The following FAM13A variants were observed in gnomAD, a reference collection of about 807,000 sequenced individuals.
The protein encoded by FAM13A is family with sequence similarity 13 member A, also known as protein FAM13A.
A neutral mutation model predicts 129.6 loss-of-function variants in FAM13A; 76 were observed. The ratio of observed to expected loss-of-function variants is 0.59; its 90% CI spans 0.49 to 0.71. FAM13A has a LOEUF of 0.71. FAM13A is among the 30% of genes least tolerant of loss of function. The pLI, the probability that FAM13A is intolerant of heterozygous loss-of-function variation, is 0.00. For missense variants in FAM13A, 1,108 were observed against 1,249.3 expected, an observed-to-expected ratio of 0.89 and a Z score of 1.70; for synonymous variants, 443 against 449.9, an observed-to-expected ratio of 0.98 and a Z score of 0.20.
intron 2 of FAM13A, among the ~76,000 whole-genome samples, chr4:89,026,633 C>T (rs972365137): frequency 3.3e-5 from 5 of 152,100 alleles, no homozygotes; most frequent in South Asian, 2.1e-4. Flanking sequence ...AAGTGCTGAG[C>T]GAACAGGGAA....
chr4:88,833,938 C>CA (rs1265174323), intron 7 of FAM13A, among the ~76,000 whole-genome samples: 3 of 151,944 alleles, frequency 2.0e-5, no homozygotes, highest in African/African-American at 7.3e-5. Flanking sequence ...TTTTACGAGA[C>CA]AGAGTCTCAC....
chr4:89,028,206 CAAAAA>C (rs35426702), intron 2 of FAM13A, among the ~76,000 whole-genome samples: 1 of 78,604 alleles, frequency 1.3e-5, no homozygotes, highest in Admixed American at 1.4e-4. Context: ...ACCTCCGTCT[CAAAAA>C]AAAAAAAAAA....
intron 1 of FAM13A, among the ~76,000 whole-genome samples, chr4:89,047,391 A>G (rs1771003404): frequency 6.6e-6 from 1 of 152,176 alleles, no homozygotes; most frequent in African/African-American, 2.4e-5. Flanking sequence ...AGGTTATTAT[A>G]AACAGTTAAA....
intron 23 of FAM13A, among the ~76,000 whole-genome samples, chr4:88,730,791 T>C (rs746953805): frequency 9.9e-5 from 15 of 152,230 alleles, no homozygotes; most frequent in Non-Finnish European, 1.6e-4. Flanking sequence ...GATCTCTCTT[T>C]CCCTTGTTTC....
chr4:88,899,123 T>C (rs1746838148), intron 6 of FAM13A, among the ~76,000 whole-genome samples: 1 of 149,646 alleles, frequency 6.7e-6, no homozygotes, highest in South Asian at 2.1e-4. Flanking sequence ...CATATATATA[T>C]ATACATACAT....
intron 5 of FAM13A, among the ~76,000 whole-genome samples, chr4:88,923,466 G>A (rs999017390): frequency 2.1e-4 from 32 of 152,162 alleles, no homozygotes; most frequent in Admixed American, 9.8e-4. Context: ...TGATTATCTC[G>A]AAAGATGCAG....
chr4:88,921,083 C>A (rs1750994311), intron 5 of FAM13A, among the ~76,000 whole-genome samples: 1 of 152,088 alleles, frequency 6.6e-6, no homozygotes, highest in South Asian at 2.1e-4. Context: ...GATTGGTGTA[C>A]CTGAAAGTGA....
chr4:89,045,099 TA>T (rs966079597), intron 1 of FAM13A, among the ~76,000 whole-genome samples: 8 of 151,432 alleles, frequency 5.3e-5, no homozygotes, highest in African/African-American at 7.3e-5. Flanking sequence ...TTTATCACAA[TA>T]AAAAAAGTTA....
At chr4:88,942,103 G>T (rs536729346) in intron 4 of FAM13A, among the ~76,000 whole-genome samples, 1 of 152,188 alleles carries the variant, frequency 6.6e-6, no homozygotes, top group East Asian at 1.9e-4. Context: ...CACAGAAGCT[G>T]CAAAGAATTA....
At chr4:88,795,485 A>C (rs930148829) in intron 8 of FAM13A, among the ~76,000 whole-genome samples, 2 of 151,796 alleles carry the variant, frequency 1.3e-5, no homozygotes, top group Non-Finnish European at 3.0e-5. Context: ...AAAGAAATGG[A>C]AAGTTTAGTT....
Position 88,737,472 on chromosome 4 carries a change from C to G in FAM13A, c.2646G>C (p.Lys882Asn). The G allele has an allele frequency of 6.2e-7, 1 of 1,613,622 alleles. No homozygotes were observed. Among genetic ancestry groups the G allele is most frequent in the Non-Finnish European group, 8.5e-7 (1 of 1,179,616 alleles). The change falls in exon 21 of 24, where the codon AAG becomes AAC. Residue 882 changes from lysine to asparagine, a missense_variant and splice_region_variant. Lys to Asn is a moderately conservative substitution (Grantham distance 94). Coordinates refer to ENST00000264344, the MANE Select transcript of FAM13A (RefSeq NM_014883.4). ...GETASFFKEI[K>N]EEEEGSEDDS... ...ATGGGTTAGCAGCTGGGGTCTTCAC[C>G]TTTATCTCCTTGAAGAAGGAAGCAG...
chr4:88,863,214 G>A (rs1191104900), intron 6 of FAM13A, among the ~76,000 whole-genome samples: 1 of 152,108 alleles, frequency 6.6e-6, no homozygotes, highest in Non-Finnish European at 1.5e-5. Context: ...GAGGGGAAAG[G>A]GGCTGGAGAT....
chr4:88,731,452 G>A, intron 22 of FAM13A, 24 bp from the exon 23 acceptor site: 1 of 1,386,274 alleles, frequency 7.2e-7, no homozygotes, highest in Non-Finnish European at 1.0e-6. Context: ...AGCATTGCAA[G>A]GAAATTAAGT....
chr4:89,032,468 C>T (rs1768835076), intron 1 of FAM13A, among the ~76,000 whole-genome samples: 2 of 152,070 alleles, frequency 1.3e-5, no homozygotes, highest in South Asian at 4.1e-4. Context: ...TAGAATAATC[C>T]TTAGGGGCCT....
At position 88,938,168 on chromosome 4, in the gene FAM13A, A is replaced by C; in HGVS notation, c.679T>G (p.Tyr227Asp). ...TACTCTACTTCAAACAGGGTATTGT[A>C]ATTTTCTAGAATTTTAGCCATTATC... ...NKIMAKILEN[Y>D]NTLFEVEYTE... Residue 227 changes from tyrosine to aspartate, a missense_variant, in exon 5 of 24, where the codon TAC (tyrosine) becomes GAC (aspartate). Coordinates refer to ENST00000264344, the MANE Select transcript of FAM13A (RefSeq NM_014883.4). The C allele has an allele frequency of 6.2e-7, 1 of 1,613,160 alleles. No homozygotes were observed. The highest frequency in any genetic ancestry group is 8.5e-7 in the Non-Finnish European group (1 of 1,179,198).
chr4:88,829,637 C>A (rs1331570052), intron 7 of FAM13A, among the ~76,000 whole-genome samples: 1 of 152,100 alleles, frequency 6.6e-6, no homozygotes, highest in Non-Finnish European at 1.5e-5. Context: ...ACTAGTTTTC[C>A]AGCAAACTGT....
intron 4 of FAM13A, among the ~76,000 whole-genome samples, chr4:88,985,262 A>C (rs1762091787): frequency 6.6e-6 from 1 of 152,200 alleles, no homozygotes; most frequent in Non-Finnish European, 1.5e-5. Flanking sequence ...CAGAAAGTAG[A>C]TGAGTGGTTG....
At chr4:88,961,882 T>C (rs1224945382) in intron 4 of FAM13A, among the ~76,000 whole-genome samples, 1 of 152,174 alleles carries the variant, frequency 6.6e-6, no homozygotes, top group African/African-American at 2.4e-5. Flanking sequence ...TTTAATCTTA[T>C]ATATAGCAGG....
chr4:88,927,706 T>C (rs1752432801), intron 5 of FAM13A, among the ~76,000 whole-genome samples: 2 of 152,046 alleles, frequency 1.3e-5, no homozygotes, highest in Non-Finnish European at 2.9e-5. Context: ...AGTTGTTATG[T>C]TTCCTTTTTC....
Sources: gnomAD v4.1 joint callset for allele counts (sites outside exome capture counted in the v4.1 genomes callset) on GRCh38, gnomAD v4.1.1 for gene constraint, MANE v1.5 for transcripts, NCBI Gene and HGNC (gene_info 2026-07-23, HGNC 2026-07-21) for gene names.